NUB1: variants seen among roughly 807,000 people sequenced by gnomAD.
NUB1 encodes negative regulator of ubiquitin like proteins 1, also known as NEDD8 ultimate buster 1.
In NUB1, 41 loss-of-function variants were observed where a neutral mutation model predicts 77.1. The ratio of observed to expected loss-of-function variants is 0.53; its 90% confidence interval spans 0.41 to 0.69. The LOEUF is 0.69. Among genes scored for constraint, NUB1 ranks in the 30% least tolerant of loss-of-function variants. The probability of loss-of-function intolerance (pLI) is 0.00; values close to 1 mark genes in which losing one functional copy is unlikely to be tolerated. For missense variants in NUB1, 643 were observed against 743.8 expected, an observed-to-expected ratio of 0.86 and a Z score of 1.58; for synonymous variants, 257 against 281.0, an observed-to-expected ratio of 0.91 and a Z score of 0.85.
intron 2 of NUB1, among the ~76,000 whole-genome samples, chr7:151,348,237 ATCT>A (rs1294888284): frequency 2.0e-5 from 3 of 152,038 alleles, no homozygotes; most frequent in East Asian, 3.9e-4. Context: ...AGCCCTTTCA[ATCT>A]TCTTTTTTTT....
Position 151,367,881 on chromosome 7 carries a change from G to A in NUB1, c.1008G>A (p.Lys336=), listed in dbSNP as rs1405611513. Reference sequence around the variant, plus strand: ...TTTAGGGAAATTGTGGGAAAGAGAAGGTACTGTTTCTAAGACTCTACTTAC... The same window carrying A: ...TTTAGGGAAATTGTGGGAAAGAGAAAGTACTGTTTCTAAGACTCTACTTAC... ...VHIKGNCGKE[K]VLFLRLYLLQ... Residue 336 remains lysine (K), a synonymous_variant, in exon 10 of 15, where the codon AAG becomes AAA. Coordinates refer to ENST00000568733, the MANE Select transcript of NUB1 (RefSeq NM_001243351.2). The A allele has an allele frequency of 6.3e-7, 1 of 1,596,216 alleles. No homozygotes were observed. The highest frequency in any genetic ancestry group is 1.1e-5 in the South Asian group (1 of 87,456).
Position 151,377,242 on chromosome 7 carries a change from G to A in NUB1, c.*17G>A, listed in dbSNP as rs907834607. The A allele has an allele frequency of 4.0e-6, 6 of 1,482,080 alleles. No individual in the cohort carries two copies. In the African/African-American group the frequency reaches 5.6e-5, roughly 14 times the overall value. The allele number at this position is 1,482,080 out of a possible 1,614,324, so 91.8% of individuals were successfully genotyped here. On this transcript the variant is annotated 3_prime_UTR_variant, in exon 15 of 15. Coordinates refer to ENST00000568733, the MANE Select transcript of NUB1 (RefSeq NM_001243351.2). ...AAAAACTAAATAATGAACAGAAATA[G>A]CGCTAATTTTCTGCTTATAAATGCT...
At chr7:151,361,434 A>T (rs1797375475) in intron 8 of NUB1, among the ~76,000 whole-genome samples, 1 of 152,212 alleles carries the variant, frequency 6.6e-6, no homozygotes. Context: ...GAATCCAAAG[A>T]TACTCCAGGC....
rs766485245 is a variant in NUB1, at chr7:151,368,686, C to CT, written c.1096-46dup. 2.4e-5 allele frequency: 37 copies of CT among 1,543,108 alleles called. 1 individual carries two copies. In the East Asian group the frequency reaches 2.6e-4, roughly 11 times the overall value. On this transcript the variant is annotated intron_variant, in intron 10 of 14. Transcript: ENST00000568733. ...TTTTAGGCTTTCACTTTGTATTAAG[C>CT]TTTAAGTATTGCCGTGGTTACATGA...
At chr7:151,376,385 G>A (rs1798250456) in intron 13 of NUB1, 1 of 522,852 alleles carries the variant, frequency 1.9e-6, no homozygotes, top group Non-Finnish European at 3.4e-6. Context: ...GTGGCGCCCT[G>A]CTCTCAGCCC....
At chr7:151,345,793 C>G (rs932849901) in intron 2 of NUB1, among the ~76,000 whole-genome samples, 1 of 152,122 alleles carries the variant, frequency 6.6e-6, no homozygotes, top group African/African-American at 2.4e-5. Flanking sequence ...TTCAAAGTGA[C>G]AGTGTCTTGG....
At chr7:151,369,038 C>CAAGA in intron 11 of NUB1, 151 bp downstream of exon 11, 4 of 896,054 alleles carry the variant, frequency 4.5e-6, no homozygotes, top group Non-Finnish European at 6.4e-6. Context: ...GACAGAGTCT[C>CAAGA]ACTTTGTCAT....
At chr7:151,360,514 T>C in intron 8 of NUB1, 3 of 333,964 alleles carry the variant, frequency 9.0e-6, no homozygotes, top group Non-Finnish European at 1.6e-5. Context: ...GAACTTTCCA[T>C]TATAAAGTTT....
chr7:151,368,537 TAA>T (rs1279601193), intron 10 of NUB1, among the ~76,000 whole-genome samples, 196 bp from the exon 11 acceptor site: 2 of 152,246 alleles, frequency 1.3e-5, no homozygotes, highest in African/African-American at 4.8e-5. Flanking sequence ...GTGCTGTGGC[TAA>T]GTTATGTGAG....
chr7:151,365,265 C>A (rs969444137), intron 8 of NUB1, among the ~76,000 whole-genome samples: 4 of 151,380 alleles, frequency 2.6e-5, no homozygotes, highest in African/African-American at 9.7e-5. Context: ...AATATGAGAC[C>A]TCTGCTTTGG....
intron 4 of NUB1, 149 bp from the exon 5 acceptor site, chr7:151,352,663 G>A: frequency 3.3e-6 from 2 of 610,032 alleles, no homozygotes; most frequent in South Asian, 3.8e-5. Context: ...GGCTGGTCTT[G>A]AATTCCTGGG....
At chr7:151,344,487 TA>T (rs1401757916) in intron 1 of NUB1, among the ~76,000 whole-genome samples, 4 of 150,442 alleles carry the variant, frequency 2.7e-5, no homozygotes, top group Non-Finnish European at 5.9e-5. Context: ...ATTGTTCATA[TA>T]TTTTTTTTTT....
chr7:151,371,999 C>T (rs1797981369), intron 11 of NUB1, among the ~76,000 whole-genome samples: 1 of 152,224 alleles, frequency 6.6e-6, no homozygotes, highest in African/African-American at 2.4e-5. Context: ...TGAGCCACTG[C>T]ACCCAGCCTT....
At chr7:151,352,337 G>A (rs546794864) in intron 4 of NUB1, 83 of 325,962 alleles carry the variant, frequency 2.5e-4, no homozygotes, top group African/African-American at 1.6e-3. Flanking sequence ...TCAAATAGCC[G>A]TCTAGTAAGA....
chr7:151,360,436 A>G (rs1199431423), intron 8 of NUB1, 189 bp downstream of exon 8: 1 of 460,874 alleles, frequency 2.2e-6, no homozygotes, highest in East Asian at 3.1e-5. Context: ...TCCTCCCTGT[A>G]AAGAAAAGAA....
chr7:151,375,890 A>G lies in NUB1; in HGVS notation c.1438A>G (p.Asn480Asp). The G allele has an allele frequency of 1.2e-6, 2 of 1,613,578 alleles. No individual in the cohort carries two copies. The highest frequency in any genetic ancestry group is 1.7e-6 in the Non-Finnish European group (2 of 1,179,480). Reference sequence around the variant, plus strand: ...TCAGATGTGGTGGTTAAATGATTCCAATCCTGAAACCGACAACCGTCAAGA... The same window carrying G: ...TCAGATGTGGTGGTTAAATGATTCCGATCCTGAAACCGACAACCGTCAAGA... ...NPQMWWLNDS[N>D]PETDNRQESP... Residue 480 changes from asparagine to aspartate, a missense_variant, in exon 13 of 15, where the codon AAT becomes GAT. Transcript: ENST00000568733.
chr7:151,367,919 GA>G lies in NUB1; in HGVS notation c.1049del (p.Asn350ThrfsTer8). The part of the protein sequence containing the change: ...FLRLYLLQGI[R>X]NYHSGNDVEA... ...AGACTCTACTTACTTCAAGGGATCC[GA>G]AACTATCACAGTGGAAATGATGTAG... On this transcript the variant is annotated frameshift_variant, in exon 10 of 15. Coordinates refer to ENST00000568733, the MANE Select transcript of NUB1 (RefSeq NM_001243351.2). LOFTEE classifies it high-confidence loss of function. The G allele has an allele frequency of 6.2e-7, 1 of 1,600,226 alleles. No homozygotes were observed. Among genetic ancestry groups the G allele is most frequent in the Non-Finnish European group, 8.5e-7 (1 of 1,172,524 alleles).
chr7:151,366,336 T>A (rs2150698541), intron 8 of NUB1, among the ~76,000 whole-genome samples: 1 of 152,312 alleles, frequency 6.6e-6, no homozygotes, highest in Non-Finnish European at 1.5e-5. Flanking sequence ...ATGAATGCCT[T>A]GTCAGAGCCG....
chr7:151,357,314 G>C (rs1338335116), intron 7 of NUB1, among the ~76,000 whole-genome samples: 1 of 151,920 alleles, frequency 6.6e-6, no homozygotes, highest in African/African-American at 2.4e-5. Flanking sequence ...AGTGGAGACA[G>C]GGTTTTGCTA....
Sources: gnomAD v4.1 joint callset for allele counts (sites outside exome capture counted in the v4.1 genomes callset) on GRCh38, gnomAD v4.1.1 for gene constraint, MANE v1.5 for transcripts, NCBI Gene and HGNC (gene_info 2026-07-23, HGNC 2026-07-21) for gene names.